Variants in BRCA1 observed in about 807,000 individuals in gnomAD.
The protein encoded by BRCA1 is breast cancer type 1 susceptibility protein.
In BRCA1, 140 loss-of-function variants were observed where a neutral mutation model predicts 173.7. That is an observed-to-expected ratio of 0.81 (90% CI 0.70 to 0.93). The LOEUF (loss-of-function observed/expected upper bound fraction) is 0.93. BRCA1 is among the 40% of genes least tolerant of loss of function. BRCA1 has a pLI of 0.00. For missense variants in BRCA1, 1,983 were observed against 2,172.5 expected (o/e 0.91, Z 1.73); for synonymous variants, 662 against 756.0 (o/e 0.88, Z 2.04).
intron 2 of BRCA1, 58 bp downstream of exon 2, chr17:43,123,959 A>G: frequency 7.4e-7 from 1 of 1,347,842 alleles, no homozygotes; most frequent in Non-Finnish European, 1.1e-6. Context: ...AATTCTGTTC[A>G]TTTGCATAGG....
At chr17:43,075,841 T>G (rs969828822) in intron 13 of BRCA1, among the ~76,000 whole-genome samples, 1 of 152,142 alleles carries the variant, frequency 6.6e-6, no homozygotes, top group African/African-American at 2.4e-5. Flanking sequence ...CTAAATGTTT[T>G]CTGGCTTTGG....
chr17:43,092,278 T>C lies in BRCA1; in HGVS notation c.3253A>G (p.Arg1085Gly), dbSNP rs1432504119. The C allele has an allele frequency of 6.2e-7, 1 of 1,613,896 alleles. No individual in the cohort carries two copies. Among genetic ancestry groups the C allele is most frequent in the Non-Finnish European group, 8.5e-7 (1 of 1,180,006 alleles). ...ACCTCAGGTTGCAAAACCCCTAATC[T>C]AAGCATAGCATTCAATTTTGGCCCT... is the stretch of plus-strand genomic sequence containing the variant. ...NRGPKLNAML[R>G]LGVLQPEVYK... The change falls in exon 10 of 23, where the codon AGA becomes GGA. Residue 1085 changes from arginine (R) to glycine (G), a missense_variant. Arg to Gly is a moderately radical substitution (Grantham distance 125). Coordinates refer to ENST00000357654, the MANE Select transcript of BRCA1 (RefSeq NM_007294.4).
intron 2 of BRCA1, among the ~76,000 whole-genome samples, chr17:43,123,338 C>A (rs959446443): frequency 3.1e-4 from 46 of 150,116 alleles, no homozygotes; most frequent in East Asian, 1.2e-3. Context: ...TCAACGACAC[C>A]GATCATCCAT....
In BRCA1 at chr17:43,093,367, C is replaced by A. The variant is rs2154395949; in HGVS notation, c.2164G>T (p.Val722Phe). The stretch of plus-strand genomic sequence containing the variant: ...TCTTCTCTTGGAAGGCTAGGATTGA[C>A]AAATTCTTTAAGTTCACTGGTATTT... ...CSNTSELKEF[V>F]NPSLPREEKE... is the part of the protein sequence containing the mutation. The change falls in exon 10 of 23, where the codon GTC becomes TTC. Residue 722 changes from valine to phenylalanine, a missense_variant. Coordinates refer to ENST00000357654, the MANE Select transcript of BRCA1 (RefSeq NM_007294.4). The A allele has an allele frequency of 6.2e-7, 1 of 1,613,960 alleles. No homozygotes were observed. Among genetic ancestry groups the A allele is most frequent in the African/African-American group, 1.3e-5 (1 of 75,028 alleles).
rs1407722751 is a variant in BRCA1 at position 43,048,233 on chromosome 17, C to T, written c.5407-530G>A. On this transcript the variant is annotated intron_variant, in intron 21 of 22. Transcript: ENST00000357654. ...TCTCTTTTTTTTTGAGACGGAGTCT[C>T]GCTCTGTCGCCCGGGCTGGAGTGCA... is the stretch of plus-strand genomic sequence containing the variant. 2.0e-5 allele frequency among the ~76,000 whole-genome samples: 3 copies of T among 151,040 alleles called. No individual in the cohort carries two copies. The East Asian group carries it at 5.9e-4, about 30-fold the overall frequency.
rs2050831054 is a variant in BRCA1 at position 43,045,245 on chromosome 17, C to T, written c.*433G>A. ...AAGCACTCTCCTTCCATTGAAGGGT[C>T]TGACTCTCTGCCTTTGTGAACACAG... On this transcript the variant is annotated 3_prime_UTR_variant, in exon 23 of 23. Coordinates refer to ENST00000357654, the MANE Select transcript of BRCA1 (RefSeq NM_007294.4). 1 of 541,408 alleles carries T rather than the reference C, an allele frequency of 1.8e-6. No homozygotes were observed. 33.5% of individuals were successfully genotyped at this position (541,408 alleles called of 1,614,324 possible). A position where few individuals can be genotyped will look rare whatever the true frequency, so the allele number is the denominator to read the frequency against.
At chr17:43,137,392 G>A (rs540693208) in intron 1 of BRCA1, among the ~76,000 whole-genome samples, 19 of 151,016 alleles carry the variant, frequency 1.3e-4, no homozygotes, top group South Asian at 6.3e-4. Context: ...AAACCTGCAC[G>A]TTGTGCACAT....
Position 43,116,729 on chromosome 17 carries a change from G to A in BRCA1, c.81-950C>T, listed in dbSNP as rs8176095. Reference sequence around the variant, plus strand: ...GAGTTGGGGTTTCACCATGTTGGCCGGCTGGTCTTGAACTCCTGACCTCAG... The same window carrying A: ...GAGTTGGGGTTTCACCATGTTGGCCAGCTGGTCTTGAACTCCTGACCTCAG... On this transcript the variant is annotated intron_variant, in intron 2 of 22. Transcript: ENST00000357654. Among the ~76,000 whole-genome samples the A allele has an allele frequency of 0.014, 2,140 of 152,150 alleles. 53 individuals carry two copies. The highest frequency in any genetic ancestry group is 0.048 in the African/African-American group (2,007 of 41,496).
At chr17:43,135,057 C>G (rs1418542140) in intron 1 of BRCA1, among the ~76,000 whole-genome samples, 6 of 152,262 alleles carry the variant, frequency 3.9e-5, no homozygotes, top group East Asian at 3.8e-4. Context: ...GGGTACTTTC[C>G]CAGCCCCTGG....
rs768239314 is a variant in BRCA1 at position 43,045,779 on chromosome 17, G to T, written c.5491C>A (p.Pro1831Thr). The T allele has an allele frequency of 6.2e-7, 1 of 1,614,128 alleles. No homozygotes were observed. Among genetic ancestry groups the T allele is most frequent in the Non-Finnish European group, 8.5e-7 (1 of 1,180,034 alleles). ...FHAIGQMCEA[P>T]VVTREWVLDS... ...AACACCCACTCTCGGGTCACCACAG[G>T]TGCCTCACACATCTGCCCAATTGCT... The change falls in exon 23 of 23, where the codon CCT becomes ACT. Residue 1831 changes from proline (P) to threonine (T), a missense_variant. Physicochemically the swap from Pro to Thr is conservative, Grantham distance 38 (BLOSUM62 -1). Transcript: ENST00000357654.
chr17:43,125,988 G>GTGT (rs8176071), upstream of BRCA1, among the ~76,000 whole-genome samples: 48,011 of 151,870 alleles, frequency 0.32, 7,886 homozygotes, highest in South Asian at 0.49. Flanking sequence ...ATGGACTGGA[G>GTGT]TGTTATGTTT....
At chr17:43,155,344 T>A (rs1015585866) in intron 1 of BRCA1, among the ~76,000 whole-genome samples, 2 of 151,866 alleles carry the variant, frequency 1.3e-5, no homozygotes, top group African/African-American at 4.8e-5. Flanking sequence ...CCTCCCAAAG[T>A]ACTGGGATTA....
chr17:43,100,683 A>G (rs1174144885), intron 6 of BRCA1, among the ~76,000 whole-genome samples: 12 of 72,216 alleles, frequency 1.7e-4, no homozygotes, highest in Admixed American at 7.4e-4. Flanking sequence ...TATATAATAT[A>G]TATATATATA....
At chr17:43,077,081 T>C (rs2052766936) in intron 12 of BRCA1, among the ~76,000 whole-genome samples, 1 of 152,122 alleles carries the variant, frequency 6.6e-6, no homozygotes, top group Non-Finnish European at 1.5e-5. Flanking sequence ...GGATTTCAGC[T>C]TCTGCATGTC....
chr17:43,169,792 C>T (rs542397485), intron 1 of BRCA1: 59 of 248,776 alleles, frequency 2.4e-4, no homozygotes, highest in South Asian at 2.3e-3. Flanking sequence ...CCTCCTGAGC[C>T]CAGGGGCCCA....
chr17:43,079,135 T>C (rs572261027), intron 12 of BRCA1, among the ~76,000 whole-genome samples: 5 of 151,958 alleles, frequency 3.3e-5, no homozygotes, highest in Admixed American at 6.6e-5. Flanking sequence ...AATCACACCA[T>C]TGCACTCCAG....
chr17:43,135,911 G>A (rs1444980536), intron 1 of BRCA1, among the ~76,000 whole-genome samples: 1 of 152,192 alleles, frequency 6.6e-6, no homozygotes, highest in Non-Finnish European at 1.5e-5. Flanking sequence ...CACACCCTCA[G>A]CACCCTGCTC....
chr17:43,080,018 A>C (rs1221312643), intron 12 of BRCA1, among the ~76,000 whole-genome samples: 1 of 152,146 alleles, frequency 6.6e-6, no homozygotes, highest in Admixed American at 6.5e-5. Context: ...AGCAAGCCCA[A>C]CCTAAGCCTT....
At chr17:43,057,234 G>T in intron 18 of BRCA1, 99 bp from the exon 19 acceptor site, 2 of 1,147,436 alleles carry the variant, frequency 1.7e-6, no homozygotes, top group Non-Finnish European at 2.6e-6. Context: ...TTCAGGCCAG[G>T]CGCAGTGGCT....
Sources: allele counts gnomAD v4.1 joint callset (sites outside exome capture counted in the v4.1 genomes callset), GRCh38; gene constraint gnomAD v4.1.1; transcripts MANE v1.5; gene names NCBI Gene and HGNC (gene_info 2026-07-23, HGNC 2026-07-21).